Variants in NUDCD3 observed in about 807,000 individuals in gnomAD.
The protein encoded by NUDCD3 is NudC domain containing 3.
In NUDCD3, 13 loss-of-function variants were observed where a neutral mutation model predicts 39.7. The observed-to-expected ratio is 0.33, with a 90% confidence interval of 0.21 to 0.52. The LOEUF (loss-of-function observed/expected upper bound fraction) is 0.52, where lower values mean the gene tolerates loss of function less well. Among genes scored for constraint, NUDCD3 ranks in the 20% least tolerant of loss-of-function variants. The probability of loss-of-function intolerance (pLI) is 0.96; values close to 1 mark genes in which losing one functional copy is unlikely to be tolerated. For synonymous variants in NUDCD3, 175 were observed against 172.4 expected (o/e 1.02, Z -0.12); for missense variants, 453 against 458.1 (o/e 0.99, Z 0.10).
intron 4 of NUDCD3, among the ~76,000 whole-genome samples, chr7:44,394,378 G>A (rs769453000): frequency 1.3e-5 from 2 of 152,118 alleles, no homozygotes; most frequent in Non-Finnish European, 2.9e-5. Flanking sequence ...TTTGTGTGAC[G>A]GGGACCTGAC....
chr7:44,402,797 G>A lies in NUDCD3; in HGVS notation c.786+1643C>T. ...CAGTCCATGGAGATGGCAACCCCAGGATCACGGGCTCACTAGTGTAATACA... is the reference window on the plus strand; with the variant it reads ...CAGTCCATGGAGATGGCAACCCCAGAATCACGGGCTCACTAGTGTAATACA... On this transcript the variant is annotated intron_variant, in intron 4 of 5. Transcript: ENST00000355451. 3 of 430,920 alleles carry A rather than the reference G, an allele frequency of 7.0e-6. 1 individual carries two copies. Among genetic ancestry groups the A allele is most frequent in the South Asian group, 4.9e-5 (3 of 61,078 alleles). 26.7% of individuals were successfully genotyped at this position (430,920 alleles called of 1,614,324 possible). A position where few individuals can be genotyped will look rare whatever the true frequency, so the allele number is the denominator to read the frequency against.
In NUDCD3 at chr7:44,485,118, G is replaced by C. The variant is rs1044009496; in HGVS notation, c.359C>G (p.Ser120Cys). The change falls in exon 2 of 6, where the codon TCC (serine) becomes TGC (cysteine). Residue 120 changes from serine to cysteine, a missense_variant. Ser to Cys is a moderately radical substitution (Grantham distance 112, BLOSUM62 -1). Coordinates refer to ENST00000355451, the MANE Select transcript of NUDCD3 (RefSeq NM_015332.4). The part of the protein sequence containing the change: ...PVPVQEIEID[S>C]TTELDGHQEV... ...CTGATGCCCATCCAATTCTGTGGTG[G>C]AGTCAATCTCTATTTCCTGGACTGG... 1 of 1,614,036 alleles carries C rather than the reference G, an allele frequency of 6.2e-7. No homozygotes were observed. Among genetic ancestry groups the C allele is most frequent in the African/African-American group, 1.3e-5 (1 of 74,910 alleles).
chr7:44,403,154 T>C (rs184021656), intron 4 of NUDCD3, among the ~76,000 whole-genome samples: 14 of 152,206 alleles, frequency 9.2e-5, no homozygotes, highest in African/African-American at 3.4e-4. Flanking sequence ...GGCTGCTGAA[T>C]GCCATGGGCA....
intron 2 of NUDCD3, chr7:44,468,428 C>A: frequency 1.4e-6 from 1 of 727,362 alleles, no homozygotes; most frequent in Non-Finnish European, 2.2e-6. Flanking sequence ...TGCCAGACAG[C>A]TTATCAGTGT....
At chr7:44,401,678 G>A (rs1260136871) in intron 4 of NUDCD3, among the ~76,000 whole-genome samples, 3 of 152,176 alleles carry the variant, frequency 2.0e-5, no homozygotes, top group Admixed American at 2.0e-4. Flanking sequence ...TTTAGGAGCC[G>A]TGTTCACGGG....
At chr7:44,398,786 G>A (rs1042881023) in intron 4 of NUDCD3, among the ~76,000 whole-genome samples, 3 of 152,168 alleles carry the variant, frequency 2.0e-5, no homozygotes, top group Non-Finnish European at 4.4e-5. Flanking sequence ...CGTTCCTTCC[G>A]GGAAGGCACC....
chr7:44,444,724 T>G (rs1799657380), intron 2 of NUDCD3, among the ~76,000 whole-genome samples: 1 of 152,164 alleles, frequency 6.6e-6, no homozygotes, highest in South Asian at 2.1e-4. Flanking sequence ...GCCGTAAGTA[T>G]CACTTGGTCT....
At chr7:44,400,471 C>T (rs914191368) in intron 4 of NUDCD3, among the ~76,000 whole-genome samples, 4 of 152,210 alleles carry the variant, frequency 2.6e-5, no homozygotes, top group Non-Finnish European at 4.4e-5. Context: ...GTGGCAGCAG[C>T]GCAGCTCTGG....
rs138645121 is a variant in NUDCD3, at chr7:44,393,147, C to T, written c.787-662G>A. Among the ~76,000 whole-genome samples, 647 of 152,204 alleles carry T rather than the reference C, an allele frequency of 4.3e-3. 7 individuals carry two copies. The highest frequency in any genetic ancestry group is 0.015 in the African/African-American group (616 of 41,514). ...TTGCTGCATGAGGGGGTCCTCCAGC[C>T]CCATTCCCTAAAGTTCTCTGATGGC... On this transcript the variant is annotated intron_variant, in intron 4 of 5. Coordinates refer to ENST00000355451, the MANE Select transcript of NUDCD3 (RefSeq NM_015332.4).
At chr7:44,406,332 A>C (rs113030282) in intron 3 of NUDCD3, among the ~76,000 whole-genome samples, 4 of 152,326 alleles carry the variant, frequency 2.6e-5, no homozygotes, top group African/African-American at 9.6e-5. Flanking sequence ...GGCTAGTCCT[A>C]TTGAACAATA....
At chr7:44,433,810 A>C (rs1799415697) in intron 2 of NUDCD3, among the ~76,000 whole-genome samples, 1 of 152,042 alleles carries the variant, frequency 6.6e-6, no homozygotes, top group Admixed American at 6.5e-5. Context: ...ACAACCTCAT[A>C]TGGCTCCCCA....
At position 44,456,605 on chromosome 7, in the gene NUDCD3, C is replaced by T. The variant is rs76341534; in HGVS notation, c.509+28363G>A. Among the ~76,000 whole-genome samples the T allele has an allele frequency of 1.3e-4, 20 of 152,204 alleles. No individual in the cohort carries two copies. The East Asian group carries it at 1.9e-3, about 15-fold the overall frequency. ...GCAACATATCAAGGCCTCATCTCTA[C>T]TTTAGCTAGGCATGGTGGCACATGC... On this transcript the variant is annotated intron_variant, in intron 2 of 5. Coordinates refer to ENST00000355451, the MANE Select transcript of NUDCD3 (RefSeq NM_015332.4).
chr7:44,437,976 T>A (rs1799496588), intron 2 of NUDCD3, among the ~76,000 whole-genome samples: 1 of 152,094 alleles, frequency 6.6e-6, no homozygotes, highest in South Asian at 2.1e-4. Flanking sequence ...GAAAGAGGCT[T>A]CCTAATTTTT....
At chr7:44,386,162 C>T (rs778762655) in intron 5 of NUDCD3, 41 bp from the exon 6 acceptor site, 1 of 1,606,246 alleles carries the variant, frequency 6.2e-7, no homozygotes, top group Non-Finnish European at 8.5e-7. Flanking sequence ...GATCACAACG[C>T]ACTGTGTACT....
intron 2 of NUDCD3, among the ~76,000 whole-genome samples, chr7:44,440,228 G>A (rs535992165): frequency 1.2e-4 from 19 of 152,300 alleles, no homozygotes; most frequent in African/African-American, 3.8e-4. Flanking sequence ...GTGACATGAT[G>A]AGAAAGACAA....
chr7:44,485,918 C>T (rs1800600754), intron 1 of NUDCD3, among the ~76,000 whole-genome samples: 1 of 152,204 alleles, frequency 6.6e-6, no homozygotes, highest in African/African-American at 2.4e-5. Context: ...GCTGGGACCT[C>T]TCTACCAAAA....
chr7:44,474,164 ATAT>A (rs986005969), intron 2 of NUDCD3, among the ~76,000 whole-genome samples: 15 of 149,732 alleles, frequency 1.0e-4, no homozygotes, highest in Non-Finnish European at 1.6e-4. Flanking sequence ...TGAAGTACAT[ATAT>A]TACCTTTCCA....
chr7:44,456,459 T>C (rs1279873145), intron 2 of NUDCD3, among the ~76,000 whole-genome samples: 1 of 152,178 alleles, frequency 6.6e-6, no homozygotes, highest in African/African-American at 2.4e-5. Context: ...ACTATTGCAC[T>C]CGACTTGTCA....
At chr7:44,448,281 G>A (rs1585085815) in intron 2 of NUDCD3, among the ~76,000 whole-genome samples, 1 of 152,270 alleles carries the variant, frequency 6.6e-6, no homozygotes, top group South Asian at 2.1e-4. Flanking sequence ...CAGTGAACAC[G>A]AACAGTGGCA....
Sources: allele counts gnomAD v4.1 joint callset (sites outside exome capture counted in the v4.1 genomes callset), GRCh38; gene constraint gnomAD v4.1.1; transcripts MANE v1.5; gene names NCBI Gene and HGNC (gene_info 2026-07-23, HGNC 2026-07-21).